The following NEK11 variants were observed in gnomAD, a reference collection of about 807,000 sequenced individuals.
NEK11 encodes serine/threonine-protein kinase Nek11.
In NEK11, 72 loss-of-function variants were observed where a neutral mutation model predicts 80.7. That is an observed-to-expected ratio of 0.89 (90% CI 0.74 to 1.08). The LOEUF (loss-of-function observed/expected upper bound fraction) is 1.08, where lower values mean the gene tolerates loss of function less well. Among genes scored for constraint, NEK11 ranks in the 50% least tolerant of loss-of-function variants. NEK11 has a pLI of 0.00. For synonymous variants in NEK11, 251 were observed against 260.7 expected, an observed-to-expected ratio of 0.96 and a Z score of 0.36; for missense variants, 764 against 763.6, an observed-to-expected ratio of 1.00 and a Z score of -0.01.
intron 17 of NEK11, chr3:131,327,873 T>C (rs2096997198): frequency 6.6e-6 from 1 of 152,216 alleles, no homozygotes; most frequent in Non-Finnish European, 1.5e-5. Flanking sequence ...TTTTATTTTG[T>C]AGCACTGAAA....
chr3:131,206,604 A>G (rs2094447231), intron 14 of NEK11, among the ~76,000 whole-genome samples: 1 of 152,234 alleles, frequency 6.6e-6, no homozygotes, highest in South Asian at 2.1e-4. Flanking sequence ...AACAATAAAA[A>G]TATGCATCAC....
At chr3:131,039,482 A>G (rs887699520) in intron 3 of NEK11, among the ~76,000 whole-genome samples, 1 of 152,228 alleles carries the variant, frequency 6.6e-6, no homozygotes, top group Non-Finnish European at 1.5e-5. Flanking sequence ...CCTGGCAGAC[A>G]GCAGGCAGTT....
intron 14 of NEK11, among the ~76,000 whole-genome samples, chr3:131,220,736 T>G (rs1014522138): frequency 2.0e-5 from 3 of 152,132 alleles, no homozygotes; most frequent in Non-Finnish European, 4.4e-5. Context: ...CAAACTTTAA[T>G]GCTGAACTAT....
chr3:131,333,538 G>T (rs1411752443), intron 17 of NEK11, among the ~76,000 whole-genome samples: 4 of 152,144 alleles, frequency 2.6e-5, no homozygotes, highest in African/African-American at 9.7e-5. Flanking sequence ...GACCATCGAG[G>T]CTAGGAAGAA....
intron 16 of NEK11, among the ~76,000 whole-genome samples, chr3:131,259,889 GGGTGTTGA>G (rs1337164553): frequency 6.6e-6 from 1 of 152,130 alleles, no homozygotes; most frequent in Admixed American, 6.6e-5. Flanking sequence ...TCCATTTCTG[GGGTGTTGA>G]GGTGTTGAGG....
chr3:131,240,136 T>C (rs1580723897), intron 15 of NEK11, among the ~76,000 whole-genome samples: 2 of 152,232 alleles, frequency 1.3e-5, no homozygotes, highest in East Asian at 3.9e-4. Context: ...TCACTGTGGA[T>C]AGTGGAGGAG....
chr3:131,127,264 C>T (rs950827137), intron 5 of NEK11, among the ~76,000 whole-genome samples: 1 of 151,900 alleles, frequency 6.6e-6, no homozygotes, highest in Non-Finnish European at 1.5e-5. Context: ...TGTGCCTAGC[C>T]TTTTCTATGT....
chr3:131,040,384 TATC>T (rs1016021737), intron 3 of NEK11, among the ~76,000 whole-genome samples: 4 of 152,122 alleles, frequency 2.6e-5, no homozygotes, highest in Non-Finnish European at 4.4e-5. Context: ...ATATGCTCAT[TATC>T]ATGATTGTAG....
intron 17 of NEK11, 112 bp from the exon 18 acceptor site, chr3:131,349,445 T>A: frequency 1.1e-6 from 1 of 904,042 alleles, no homozygotes; most frequent in Non-Finnish European, 1.7e-6. Context: ...TCCCCCTTTT[T>A]TTCTAAATCC....
chr3:131,232,544 A>G (rs1302774051), intron 15 of NEK11, among the ~76,000 whole-genome samples: 2 of 152,234 alleles, frequency 1.3e-5, no homozygotes, highest in East Asian at 1.9e-4. Context: ...GTTCTTCCTA[A>G]GATGAAAGGC....
intron 14 of NEK11, among the ~76,000 whole-genome samples, chr3:131,202,263 A>AGCCCT (rs1225577384): frequency 6.6e-6 from 1 of 152,122 alleles, no homozygotes; most frequent in Non-Finnish European, 1.5e-5. Context: ...GGTGCAGCCC[A>AGCCCT]CGGAAGGCAA....
In NEK11 at chr3:131,133,814, T is replaced by G. The variant is rs765629140; in HGVS notation, c.521-16T>G. 1 of 1,600,980 alleles carries G rather than the reference T, an allele frequency of 6.2e-7. No homozygotes were observed. Among genetic ancestry groups the G allele is most frequent in the Admixed American group, 1.7e-5 (1 of 58,160 alleles). ...GTTGGCTTAAAGTATTCATAAAAAT[T>G]AATTATTATTTCAAGGAGATTTTGG... On this transcript the variant is annotated splice_polypyrimidine_tract_variant and intron_variant, in intron 6 of 17. Coordinates refer to ENST00000383366, the MANE Select transcript of NEK11 (RefSeq NM_024800.5).
chr3:131,331,664 T>TGCCTC (rs1002754437), intron 17 of NEK11, among the ~76,000 whole-genome samples: 1 of 152,202 alleles, frequency 6.6e-6, no homozygotes, highest in African/African-American at 2.4e-5. Context: ...AGCAAGGCAT[T>TGCCTC]GCCTCACTCG....
intron 14 of NEK11, among the ~76,000 whole-genome samples, chr3:131,215,365 A>G (rs1490730668): frequency 1.3e-5 from 2 of 152,232 alleles, no homozygotes; most frequent in African/African-American, 4.8e-5. Context: ...TGGCACACGT[A>G]TACATATGTA....
intron 4 of NEK11, among the ~76,000 whole-genome samples, chr3:131,098,736 C>G (rs2077884398): frequency 1.3e-5 from 2 of 151,922 alleles, no homozygotes; most frequent in Middle Eastern, 3.2e-3. Flanking sequence ...CCACCACACC[C>G]AGCTAATTTT....
At chr3:131,332,076 A>C (rs929000363) in intron 17 of NEK11, among the ~76,000 whole-genome samples, 9 of 152,214 alleles carry the variant, frequency 5.9e-5, no homozygotes, top group East Asian at 3.9e-4. Flanking sequence ...CCTCTGCAGA[A>C]TTAAACGTCC....
At chr3:131,311,365 A>AC (rs1327698793) in intron 17 of NEK11, among the ~76,000 whole-genome samples, 1 of 152,058 alleles carries the variant, frequency 6.6e-6, no homozygotes, top group African/African-American at 2.4e-5. Context: ...CCTTCTATCT[A>AC]CCTGTATATT....
rs551359060 is a variant in NEK11, at chr3:131,098,972, C to G, written c.337-10831C>G. ...TAGTTTCTTTGGCTGTGCAGATGCT[C>G]TTTCATTTAATTAGGTCCCACTTGT... On this transcript the variant is annotated intron_variant, in intron 4 of 17. Transcript: ENST00000383366. Among the ~76,000 whole-genome samples, 6 of 152,182 alleles carry G rather than the reference C, an allele frequency of 3.9e-5. No individual in the cohort carries two copies. In the South Asian group the frequency reaches 8.3e-4, roughly 21 times the overall value.
chr3:131,113,727 A>G (rs2149379062), intron 5 of NEK11, among the ~76,000 whole-genome samples: 1 of 152,204 alleles, frequency 6.6e-6, no homozygotes, highest in Middle Eastern at 3.4e-3. Flanking sequence ...CCTGGCCGAC[A>G]TAGTGAAACC....
Sources: gnomAD v4.1 joint callset for allele counts (sites outside exome capture counted in the v4.1 genomes callset) on GRCh38, gnomAD v4.1.1 for gene constraint, MANE v1.5 for transcripts, NCBI Gene and HGNC (gene_info 2026-07-23, HGNC 2026-07-21) for gene names.